MAML3: variants seen among roughly 807,000 people sequenced by gnomAD.
MAML3 encodes mastermind-like protein 3.
In MAML3, 27 loss-of-function variants were observed where a neutral mutation model predicts 101.9. That is an observed-to-expected ratio of 0.27 (90% CI 0.20 to 0.37). The LOEUF (loss-of-function observed/expected upper bound fraction) is 0.37. MAML3 is among the 10% of genes least tolerant of loss of function. The pLI, the probability that MAML3 is intolerant of heterozygous loss-of-function variation, is 1.00. For missense variants in MAML3, 1,316 were observed against 1,444.9 expected (o/e 0.91, Z 1.45); for synonymous variants, 501 against 555.9 (o/e 0.90, Z 1.39).
intron 2 of MAML3, among the ~76,000 whole-genome samples, chr4:139,757,875 G>A (rs781726376): frequency 3.9e-5 from 6 of 151,982 alleles, no homozygotes; most frequent in African/African-American, 4.8e-5. Flanking sequence ...CTTGAACTCT[G>A]AGCTCTAGTA....
intron 4 of MAML3, among the ~76,000 whole-genome samples, chr4:139,723,444 G>A (rs1728339654): frequency 1.3e-5 from 2 of 152,194 alleles, no homozygotes; most frequent in African/African-American, 2.4e-5. Context: ...CGGAGTAGCT[G>A]GGATTACAGG....
intron 2 of MAML3, among the ~76,000 whole-genome samples, chr4:139,877,558 T>C (rs1038690759): frequency 6.6e-6 from 1 of 152,196 alleles, no homozygotes; most frequent in Non-Finnish European, 1.5e-5. Context: ...TAGTCTGTTA[T>C]TACTCTAAGA....
At chr4:139,784,066 C>T (rs1470402158) in intron 2 of MAML3, among the ~76,000 whole-genome samples, 1 of 152,318 alleles carries the variant, frequency 6.6e-6, no homozygotes, top group East Asian at 1.9e-4. Flanking sequence ...TGAGCATCCG[C>T]ACACAACAGC....
At chr4:140,064,809 A>G (rs901067828) in intron 1 of MAML3, among the ~76,000 whole-genome samples, 5 of 152,176 alleles carry the variant, frequency 3.3e-5, no homozygotes, top group African/African-American at 4.8e-5. Context: ...CGCCTTACCA[A>G]AAACAACAGA....
At chr4:139,867,306 T>A (rs1215889329) in intron 2 of MAML3, among the ~76,000 whole-genome samples, 1 of 152,226 alleles carries the variant, frequency 6.6e-6, no homozygotes. Context: ...GATATTGCTG[T>A]AGCTTTCATT....
At chr4:139,938,797 C>T (rs1211233493) in intron 1 of MAML3, among the ~76,000 whole-genome samples, 6 of 152,150 alleles carry the variant, frequency 3.9e-5, no homozygotes, top group African/African-American at 1.2e-4. Flanking sequence ...ATTAAAATAA[C>T]GAGACTAATT....
At chr4:139,860,279 G>A (rs1393002434) in intron 2 of MAML3, among the ~76,000 whole-genome samples, 2 of 152,170 alleles carry the variant, frequency 1.3e-5, no homozygotes, top group African/African-American at 4.8e-5. Flanking sequence ...CCCAAAGAAC[G>A]TTCTTCTGCA....
intron 2 of MAML3, among the ~76,000 whole-genome samples, chr4:139,778,812 G>A (rs1299698375): frequency 2.0e-5 from 3 of 151,820 alleles, no homozygotes; most frequent in Admixed American, 6.6e-5. Context: ...GTGAAACCCC[G>A]TCTCTACTAA....
intron 1 of MAML3, among the ~76,000 whole-genome samples, chr4:139,918,020 G>T (rs1001898187): frequency 2.6e-5 from 4 of 151,890 alleles, no homozygotes; most frequent in African/African-American, 9.7e-5. Flanking sequence ...TCTCAGAATG[G>T]GTCACACCTA....
intron 1 of MAML3, among the ~76,000 whole-genome samples, chr4:140,122,048 T>C (rs912547969): frequency 6.6e-6 from 1 of 152,154 alleles, no homozygotes; most frequent in African/African-American, 2.4e-5. Context: ...GATTGTAAGT[T>C]TCCTGAGGCC....
chr4:140,057,962 TG>T (rs924571931), intron 1 of MAML3, among the ~76,000 whole-genome samples: 12 of 1,954 alleles, frequency 6.1e-3, no homozygotes, highest in Admixed American at 0.01. Context: ...CTCTGAGTTG[TG>T]GGGTTTTTTT....
At chr4:139,991,023 A>C (rs1465224622) in intron 1 of MAML3, among the ~76,000 whole-genome samples, 2 of 152,214 alleles carry the variant, frequency 1.3e-5, no homozygotes, top group Admixed American at 6.5e-5. Flanking sequence ...GCTACCAATG[A>C]CTTTCTTCAC....
At chr4:139,757,999 G>A (rs746803932) in intron 2 of MAML3, among the ~76,000 whole-genome samples, 5 of 152,042 alleles carry the variant, frequency 3.3e-5, no homozygotes, top group South Asian at 2.1e-4. Flanking sequence ...TGTCACAACC[G>A]CATGCCCATC....
intron 2 of MAML3, among the ~76,000 whole-genome samples, chr4:139,749,586 G>A (rs1729434412): frequency 6.6e-6 from 1 of 152,234 alleles, no homozygotes; most frequent in African/African-American, 2.4e-5. Flanking sequence ...AATCTGGAAA[G>A]ACATGAGTCT....
chr4:139,928,540 T>C (rs571706059), intron 1 of MAML3, among the ~76,000 whole-genome samples: 13 of 152,228 alleles, frequency 8.5e-5, no homozygotes, highest in African/African-American at 2.9e-4. Context: ...AAGCTGTGGA[T>C]CTGTAAGGAT....
chr4:140,138,873 C>G (rs1728938748), intron 1 of MAML3, among the ~76,000 whole-genome samples: 1 of 152,168 alleles, frequency 6.6e-6, no homozygotes, highest in African/African-American at 2.4e-5. Context: ...GACTTAGTAT[C>G]CAGAAAATTT....
intron 1 of MAML3, among the ~76,000 whole-genome samples, chr4:140,006,133 A>T (rs911271798): frequency 1.3e-5 from 2 of 152,258 alleles, no homozygotes; most frequent in East Asian, 3.9e-4. Context: ...GACTTTATCG[A>T]GTAAGATGAC....
intron 4 of MAML3, among the ~76,000 whole-genome samples, chr4:139,722,493 T>G (rs1422034254): frequency 6.6e-6 from 1 of 152,208 alleles, no homozygotes; most frequent in Non-Finnish European, 1.5e-5. Context: ...AAGCAGATAT[T>G]ATTGTGAGAC....
intron 2 of MAML3, among the ~76,000 whole-genome samples, chr4:139,773,151 A>T (rs11721831): frequency 6.6e-6 from 1 of 152,022 alleles, no homozygotes; most frequent in East Asian, 1.9e-4. Flanking sequence ...TAGAACTATC[A>T]ACAGGCTTCA....
Sources: allele counts gnomAD v4.1 joint callset (sites outside exome capture counted in the v4.1 genomes callset), GRCh38; gene constraint gnomAD v4.1.1; transcripts MANE v1.5; gene names NCBI Gene and HGNC (gene_info 2026-07-23, HGNC 2026-07-21).